The following ASF1B variants were observed in gnomAD, a reference collection of about 807,000 sequenced individuals.
The protein encoded by ASF1B is anti-silencing function 1B histone chaperone.
Under a neutral mutation model 16.6 loss-of-function variants are expected in ASF1B, and 10 were observed. The ratio of observed to expected loss-of-function variants is 0.60; its 90% confidence interval spans 0.37 to 1.02. The LOEUF is 1.02. Among genes scored for constraint, ASF1B ranks in the 50% least tolerant of loss-of-function variants. The pLI, the probability that ASF1B is intolerant of heterozygous loss-of-function variation, is 0.01. For missense variants in ASF1B, 240 were observed against 266.0 expected (o/e 0.90, Z 0.68); for synonymous variants, 101 against 106.2 (o/e 0.95, Z 0.30).
chr19:14,131,331 C>T (rs574206255), intron 1 of ASF1B, among the ~76,000 whole-genome samples: 8 of 151,696 alleles, frequency 5.3e-5, no homozygotes, highest in East Asian at 3.9e-4. Context: ...ATTATAGCTG[C>T]GTGCCACCAT....
At chr19:14,121,791 A>G (rs1967242624) in intron 2 of ASF1B, 83 bp from the exon 3 acceptor site, 3 of 1,298,254 alleles carry the variant, frequency 2.3e-6, no homozygotes, top group Non-Finnish European at 3.1e-6. Context: ...AGCATCATGT[A>G]TTTACTGAGC....
At position 14,136,241 on chromosome 19, in the gene ASF1B, G is replaced by A. The variant is rs568277109; in HGVS notation, c.109+107C>T. The A allele has an allele frequency of 5.7e-6, 5 of 876,180 alleles. No individual in the cohort carries two copies. In the South Asian group the frequency reaches 6.6e-5, roughly 12 times the overall value. The allele number at this position is 876,180 out of a possible 1,614,324, so 54.3% of individuals were successfully genotyped here. On this transcript the variant is annotated intron_variant, in intron 1 of 3. Coordinates refer to ENST00000263382, the MANE Select transcript of ASF1B (RefSeq NM_018154.3). ...GGGGAGATCGGGGTTGGCGGAAGGG[G>A]GACGAGGGGTTTCATGGGGGAGATC...
intron 1 of ASF1B, among the ~76,000 whole-genome samples, chr19:14,128,866 T>C (rs1447206924): frequency 6.6e-6 from 1 of 152,210 alleles, no homozygotes; most frequent in African/African-American, 2.4e-5. Flanking sequence ...TTGTATCATT[T>C]TGGTGTATAT....
intron 1 of ASF1B, among the ~76,000 whole-genome samples, chr19:14,127,646 CTT>C (rs71170596): frequency 6.7e-6 from 1 of 148,590 alleles, no homozygotes; most frequent in Non-Finnish European, 1.5e-5. Flanking sequence ...CCTCCAAACA[CTT>C]TTTTTTTTTG....
chr19:14,135,429 A>G (rs1257684484), intron 1 of ASF1B, among the ~76,000 whole-genome samples: 2 of 152,056 alleles, frequency 1.3e-5, no homozygotes, highest in African/African-American at 4.8e-5. Flanking sequence ...AGTTCCCCTC[A>G]AAGACGGTAG....
rs1568543102 is a variant in ASF1B, at chr19:14,121,609, C to T, written c.325G>A (p.Val109Met). ...CTYHGQEFIRVGYYVNNEYLN... is the reference protein window; with the variant it reads ...CTYHGQEFIRMGYYVNNEYLN... ...TACTCGTTGTTGACGTAGTAGCCCA[C>T]TCGGATGAACTCCTGTCCATGGTAG... Residue 109 changes from valine to methionine, a missense_variant, in exon 3 of 4, where the codon GTG (valine) becomes ATG (methionine). Coordinates refer to ENST00000263382, the MANE Select transcript of ASF1B (RefSeq NM_018154.3). 2 of 1,614,028 alleles carry T rather than the reference C, an allele frequency of 1.2e-6. No homozygotes were observed. The highest frequency in any genetic ancestry group is 2.2e-5 in the East Asian group (1 of 44,842).
At chr19:14,135,810 G>A (rs1967484737) in intron 1 of ASF1B, among the ~76,000 whole-genome samples, 2 of 151,648 alleles carry the variant, frequency 1.3e-5, no homozygotes, top group Non-Finnish European at 2.9e-5. Flanking sequence ...GAAAATGGGA[G>A]GTGTGAGTAT....
rs866884143 is a variant in ASF1B at position 14,120,403 on chromosome 19, C to T, written c.*56G>A. On this transcript the variant is annotated 3_prime_UTR_variant, in exon 4 of 4. Transcript: ENST00000263382. ...TCCTCTAGATGGGCCCTGCAGGACT[C>T]GCTGGGAGGCCTGGTTGCCCCTCCC... The T allele has an allele frequency of 1.2e-5, 19 of 1,574,776 alleles. No homozygotes were observed. Among genetic ancestry groups the T allele is most frequent in the South Asian group, 4.5e-5 (4 of 89,340 alleles).
rs557778352 is a variant in ASF1B, at chr19:14,136,499, T to G, written c.-43A>C. The stretch of plus-strand genomic sequence containing the variant: ...CCGCAGCAGGGGCAGGGGCTGTGGC[T>G]GTGGCGGAGGCCGCGCCTGGGTCCG... On this transcript the variant is annotated 5_prime_UTR_variant, in exon 1 of 4. Coordinates refer to ENST00000263382, the MANE Select transcript of ASF1B (RefSeq NM_018154.3). The G allele has an allele frequency of 3.4e-5, 53 of 1,581,802 alleles. No homozygotes were observed. The highest frequency in any genetic ancestry group is 4.6e-5 in the Non-Finnish European group (53 of 1,157,210).
intron 1 of ASF1B, among the ~76,000 whole-genome samples, chr19:14,134,376 CACTGGCCT>C (rs1967454281): frequency 1.3e-5 from 2 of 152,010 alleles, no homozygotes; most frequent in African/African-American, 4.8e-5. Flanking sequence ...GAGACAGACC[CACTGGCCT>C]ACCCAAAGCA....
chr19:14,135,150 G>T (rs545527012), intron 1 of ASF1B, among the ~76,000 whole-genome samples: 9 of 151,432 alleles, frequency 5.9e-5, no homozygotes, highest in African/African-American at 2.2e-4. Flanking sequence ...CTTGAACTCG[G>T]GAGGTGGAGG....
intron 2 of ASF1B, among the ~76,000 whole-genome samples, chr19:14,123,378 C>CTTTTT (rs74181857): frequency 9.2e-5 from 11 of 119,780 alleles, no homozygotes; most frequent in East Asian, 2.3e-4. Context: ...TTTCTTTCTT[C>CTTTTT]TTTTTTTTTT....
At chr19:14,121,398 A>G (rs764593176) in intron 3 of ASF1B, 134 bp downstream of exon 3, 2 of 1,004,536 alleles carry the variant, frequency 2.0e-6, no homozygotes, top group Non-Finnish European at 2.9e-6. Context: ...CTCCTCTTCT[A>G]ACACAGTACT....
intron 3 of ASF1B, 66 bp from the exon 4 acceptor site, chr19:14,120,731 A>C (rs1967223160): frequency 6.6e-7 from 1 of 1,505,382 alleles, no homozygotes; most frequent in Non-Finnish European, 9.2e-7. Flanking sequence ...TAGAGCCAGG[A>C]CACCCCCAAT....
rs1045274895 is a variant in ASF1B at position 14,136,463 on chromosome 19, G to C, written c.-7C>G. On this transcript the variant is annotated 5_prime_UTR_variant, in exon 1 of 4. Coordinates refer to ENST00000263382, the MANE Select transcript of ASF1B (RefSeq NM_018154.3). The stretch of plus-strand genomic sequence containing the variant: ...GCACCGACACCTTGGCCATCGCCTC[G>C]CCTCGCCGCGCCGCAGCAGGGGCAG... The C allele has an allele frequency of 6.2e-7, 1 of 1,611,314 alleles. No individual in the cohort carries two copies.
At chr19:14,133,623 G>A (rs531792310) in intron 1 of ASF1B, among the ~76,000 whole-genome samples, 83 of 150,628 alleles carry the variant, frequency 5.5e-4, no homozygotes, top group African/African-American at 1.9e-3. Context: ...AGCCAAGATC[G>A]CGCCATTGCA....
rs1239177383 is a variant in ASF1B, at chr19:14,133,595, G to A, written c.109+2753C>T. 2.6e-5 allele frequency among the ~76,000 whole-genome samples: 4 copies of A among 151,896 alleles called. No homozygotes were observed. In the East Asian group the frequency reaches 5.9e-4, roughly 22 times the overall value. On this transcript the variant is annotated intron_variant, in intron 1 of 3. Transcript: ENST00000263382. ...AGGCAGGAGAATCGCTTGAATCTGG[G>A]AGGTGGAGGTTGCAGTGAGCCAAGA...
At chr19:14,127,606 C>T (rs1967337796) in intron 1 of ASF1B, among the ~76,000 whole-genome samples, 1 of 152,000 alleles carries the variant, frequency 6.6e-6, no homozygotes, top group Non-Finnish European at 1.5e-5. Context: ...TTGGGCAACT[C>T]AGTCAACAAA....
At position 14,121,525 on chromosome 19, in the gene ASF1B, GC is replaced by G; in HGVS notation, c.402+6del. 1 of 1,612,260 alleles carries G rather than the reference GC, an allele frequency of 6.2e-7. No homozygotes were observed. The highest frequency in any genetic ancestry group is 8.5e-7 in the Non-Finnish European group (1 of 1,178,680). Reference sequence around the variant, plus strand: ...TGTGGGAAGCAGGAAGTGGAAACAGGCCCCACCTGGGAGAAATCTGGCTTCA... The same window carrying G: ...TGTGGGAAGCAGGAAGTGGAAACAGGCCCACCTGGGAGAAATCTGGCTTCA... On this transcript the variant is annotated splice_donor_region_variant and intron_variant, in intron 3 of 3. Coordinates refer to ENST00000263382, the MANE Select transcript of ASF1B (RefSeq NM_018154.3).
Sources: gnomAD v4.1 joint callset for allele counts (sites outside exome capture counted in the v4.1 genomes callset) on GRCh38, gnomAD v4.1.1 for gene constraint, MANE v1.5 for transcripts, NCBI Gene and HGNC (gene_info 2026-07-23, HGNC 2026-07-21) for gene names.